The following MICAL2 variants were observed in gnomAD, a reference collection of about 807,000 sequenced individuals.
MICAL2 encodes [F-actin]-monooxygenase MICAL2.
MICAL2 carries 77 observed loss-of-function variants against 127.3 expected under a neutral mutation model. The observed-to-expected ratio is 0.60, with a 90% CI of 0.50 to 0.73. The LOEUF is 0.73. MICAL2 is among the 30% of genes least tolerant of loss of function. The pLI is 0.00. For missense variants in MICAL2, 1,351 were observed against 1,434.4 expected (o/e 0.94, Z 0.94); for synonymous variants, 570 against 551.1 (o/e 1.03, Z -0.48).
chr11:12,117,148 G>A (rs937866111), intron 1 of MICAL2, among the ~76,000 whole-genome samples: 5 of 152,306 alleles, frequency 3.3e-5, no homozygotes, highest in East Asian at 1.9e-4. Flanking sequence ...CAGAAGAACC[G>A]GAGCTGTGCT....
At chr11:12,243,835 C>A in intron 20 of MICAL2, 152 bp from the exon 21 acceptor site, 1 of 888,372 alleles carries the variant, frequency 1.1e-6, no homozygotes. Context: ...CTTTCTGGCT[C>A]CAAAGACAGG....
At position 12,226,313 on chromosome 11, in the gene MICAL2, G is replaced by T. The variant is rs142377929; in HGVS notation, c.1831G>T (p.Val611Phe). 169 of 1,614,070 alleles carry T rather than the reference G, an allele frequency of 1.0e-4. No homozygotes were observed. The highest frequency in any genetic ancestry group is 1.3e-4 in the Non-Finnish European group (157 of 1,180,032). The change falls in exon 14 of 28, where the codon GTC becomes TTC. Residue 611 changes from valine to phenylalanine, a missense_variant. By Grantham distance (50) the Val-to-Phe change is conservative. Around this residue, in one of 2 missense-constraint regions of MICAL2, gnomAD observed 752 missense variants for 719.4 expected, o/e 1.05. Transcript: ENST00000683283. ...SAQEPDKLSM[V>F]MYLSKFYELF... ...CCAGGAGCCTGACAAGCTCAGCATG[G>T]TCATGTACCTCTCCAAGTTCTACGA...
intron 32 of MICAL2, among the ~76,000 whole-genome samples, chr11:12,329,879 A>AAAAAG (rs1565306947): frequency 1.3e-5 from 2 of 148,512 alleles, no homozygotes; most frequent in Admixed American, 1.3e-4. Context: ...AAAAAAAAAA[A>AAAAAG]AAAAGAAAAG....
At chr11:12,269,033 T>C (rs193168900) in intron 24 of MICAL2, among the ~76,000 whole-genome samples, 75 of 152,170 alleles carry the variant, frequency 4.9e-4, no homozygotes, top group African/African-American at 1.8e-3. Context: ...AACTCTTCCA[T>C]TTGTAGGAGC....
At chr11:12,200,118 T>C (rs1040112302) in intron 3 of MICAL2, among the ~76,000 whole-genome samples, 1 of 152,100 alleles carries the variant, frequency 6.6e-6, no homozygotes, top group Admixed American at 6.5e-5. Flanking sequence ...GGTACTGGGC[T>C]CTGAACACAC....
chr11:12,276,897 T>A (rs1209386938), intron 1 of MICAL2, among the ~76,000 whole-genome samples: 6 of 152,152 alleles, frequency 3.9e-5, no homozygotes, highest in Non-Finnish European at 8.8e-5. Flanking sequence ...ATAAATAAAA[T>A]AGACACATAT....
At chr11:12,262,210 C>G in intron 26 of MICAL2, 2 of 1,347,216 alleles carry the variant, frequency 1.5e-6, no homozygotes, top group Non-Finnish European at 1.9e-6. Context: ...ATGGGAGACG[C>G]TAGAGTAAAA....
At chr11:12,148,867 G>T (rs1853257691) in intron 2 of MICAL2, among the ~76,000 whole-genome samples, 1 of 152,204 alleles carries the variant, frequency 6.6e-6, no homozygotes, top group African/African-American at 2.4e-5. Flanking sequence ...AGCTAAGGAT[G>T]CAGCCCAGCC....
rs1225688592 is a variant in MICAL2 at position 12,132,025 on chromosome 11, G to A, written c.-148-6365G>A. Among the ~76,000 whole-genome samples, 6 of 152,172 alleles carry A rather than the reference G, an allele frequency of 3.9e-5. No individual in the cohort carries two copies. The East Asian group carries it at 9.6e-4, about 24-fold the overall frequency. The stretch of plus-strand genomic sequence containing the variant: ...TCATTCCACAAAGGGGAGCAAATGA[G>A]CCTTAGGGCTGAAATGACTTGCTTG... On this transcript the variant is annotated intron_variant, in intron 1 of 27. Transcript: ENST00000683283.
intron 3 of MICAL2, among the ~76,000 whole-genome samples, chr11:12,189,847 C>A (rs1268343681): frequency 6.6e-6 from 1 of 152,198 alleles, no homozygotes; most frequent in African/African-American, 2.4e-5. Flanking sequence ...CAGCTCCCAG[C>A]AGGCTGTGAG....
At chr11:12,339,021 G>A (rs1437552039) in intron 32 of MICAL2, among the ~76,000 whole-genome samples, 3 of 152,192 alleles carry the variant, frequency 2.0e-5, no homozygotes, top group Admixed American at 2.0e-4. Context: ...GATTGGGGAA[G>A]TTCTCCTGGA....
intron 3 of MICAL2, among the ~76,000 whole-genome samples, chr11:12,193,282 C>T (rs1234567512): frequency 2.6e-5 from 4 of 152,216 alleles, no homozygotes; most frequent in Admixed American, 6.5e-5. Flanking sequence ...TGTAGAATAG[C>T]ATGGTAGCCT....
intron 2 of MICAL2, among the ~76,000 whole-genome samples, chr11:12,139,064 G>A (rs1852098857): frequency 6.6e-6 from 1 of 152,120 alleles, no homozygotes; most frequent in Non-Finnish European, 1.5e-5. Flanking sequence ...AATTAGAAAG[G>A]TTGTTTAGAG....
At chr11:12,176,441 C>T (rs1856847922) in intron 3 of MICAL2, among the ~76,000 whole-genome samples, 1 of 152,158 alleles carries the variant, frequency 6.6e-6, no homozygotes, top group Admixed American at 6.5e-5. Flanking sequence ...CGTTAATCGC[C>T]TCCTTCTACT....
chr11:12,274,452 G>A (rs1863704301), upstream of MICAL2: 1 of 152,164 alleles, frequency 6.6e-6, no homozygotes, highest in Admixed American at 6.5e-5. Flanking sequence ...TTTATTGGAG[G>A]GTGAGACACA....
chr11:12,187,301 C>G (rs1858429188), intron 3 of MICAL2, among the ~76,000 whole-genome samples: 1 of 152,226 alleles, frequency 6.6e-6, no homozygotes, highest in Non-Finnish European at 1.5e-5. Flanking sequence ...GAGAACATCT[C>G]TAAGATTGCT....
intron 2 of MICAL2, among the ~76,000 whole-genome samples, chr11:12,139,391 C>T (rs1459630890): frequency 2.6e-5 from 4 of 152,072 alleles, no homozygotes; most frequent in South Asian, 2.1e-4. Flanking sequence ...CTTGGCAGGG[C>T]GTTGAAGAGG....
intron 1 of MICAL2, among the ~76,000 whole-genome samples, chr11:12,118,136 G>T (rs1309266313): frequency 6.6e-6 from 1 of 152,144 alleles, no homozygotes; most frequent in Non-Finnish European, 1.5e-5. Flanking sequence ...TCTTGCTTGG[G>T]CGTGTTGGTT....
At chr11:12,230,744 GCAA>G (rs1236734400) in intron 15 of MICAL2, among the ~76,000 whole-genome samples, 1 of 149,818 alleles carries the variant, frequency 6.7e-6, no homozygotes, top group Non-Finnish European at 1.5e-5. Flanking sequence ...CTGATAACAT[GCAA>G]TCCAAGCAAG....
Sources: allele counts gnomAD v4.1 joint callset (sites outside exome capture counted in the v4.1 genomes callset), GRCh38; gene constraint gnomAD v4.1.1; regional missense constraint gnomAD v4.1.1; transcripts MANE v1.5; gene names NCBI Gene and HGNC (gene_info 2026-07-23, HGNC 2026-07-21).